Variants in DEFB1 observed in about 807,000 individuals in gnomAD.
DEFB1 encodes the protein defensin beta 1.
DEFB1 carries 4 observed loss-of-function variants against 2.6 expected under a neutral mutation model. The ratio of observed to expected loss-of-function variants is 1.53; its 90% CI spans 0.76 to 3.51. DEFB1 has a LOEUF of 3.51. Among genes scored for constraint, DEFB1 ranks in the 30% most tolerant of loss-of-function variants. DEFB1 has a pLI of 0.01. For missense variants in DEFB1, 162 were observed against 76.9 expected, an observed-to-expected ratio of 2.11 and a Z score of -4.14; for synonymous variants, 56 against 28.5, an observed-to-expected ratio of 1.96 and a Z score of -3.07.
chr8:6,872,949 G>C (rs1156667516), intron 1 of DEFB1, among the ~76,000 whole-genome samples: 1 of 152,192 alleles, frequency 6.6e-6, no homozygotes, highest in Non-Finnish European at 1.5e-5. Flanking sequence ...ACCTCTCCAA[G>C]TGATTATCTG....
chr8:6,875,564 C>G (rs542731565), intron 1 of DEFB1, among the ~76,000 whole-genome samples: 1 of 152,184 alleles, frequency 6.6e-6, no homozygotes, highest in Non-Finnish European at 1.5e-5. Context: ...CTCCAGTGAG[C>G]TATTGCTACA....
At chr8:6,873,552 C>A (rs560695905) in intron 1 of DEFB1, among the ~76,000 whole-genome samples, 1 of 152,282 alleles carries the variant, frequency 6.6e-6, no homozygotes, top group South Asian at 2.1e-4. Context: ...GTGTCCTTTG[C>A]AGCAACACAG....
At chr8:6,874,367 A>G (rs77646639) in intron 1 of DEFB1, among the ~76,000 whole-genome samples, 1 of 147,956 alleles carries the variant, frequency 6.8e-6, no homozygotes, top group East Asian at 2.0e-4. Context: ...TTTAAAAAAA[A>G]TTAATCTTCT....
At chr8:6,871,150 C>G (rs1806295204) in intron 1 of DEFB1, among the ~76,000 whole-genome samples, 1 of 152,216 alleles carries the variant, frequency 6.6e-6, no homozygotes, top group Non-Finnish European at 1.5e-5. Flanking sequence ...CTTGTCTCAA[C>G]ACACCCCAAA....
At chr8:6,874,156 C>G (rs991915919) in intron 1 of DEFB1, among the ~76,000 whole-genome samples, 1 of 148,696 alleles carries the variant, frequency 6.7e-6, no homozygotes, top group African/African-American at 2.5e-5. Flanking sequence ...CGCACACACA[C>G]GCACATGTGC....
At chr8:6,871,465 G>T (rs912191807) in intron 1 of DEFB1, among the ~76,000 whole-genome samples, 11 of 152,074 alleles carry the variant, frequency 7.2e-5, no homozygotes. Flanking sequence ...ATGCAACAGG[G>T]AACAGTCGCC....
chr8:6,875,110 C>CACACACACACA (rs1563397732), intron 1 of DEFB1, among the ~76,000 whole-genome samples: 5 of 143,234 alleles, frequency 3.5e-5, no homozygotes, highest in African/African-American at 1.3e-4. Flanking sequence ...ACACACACAC[C>CACACACACACA]CCATTGCCAG....
intron 1 of DEFB1, among the ~76,000 whole-genome samples, chr8:6,874,156 C>CAT (rs1391987044): frequency 2.7e-5 from 4 of 148,696 alleles, no homozygotes; most frequent in African/African-American, 9.9e-5. Flanking sequence ...CGCACACACA[C>CAT]GCACATGTGC....
rs1245229833 is a variant in DEFB1 at position 6,874,994 on chromosome 8, A to T, written c.61+2803T>A. On this transcript the variant is annotated intron_variant, in intron 1 of 1. Coordinates refer to ENST00000297439, the MANE Select transcript of DEFB1 (RefSeq NM_005218.4). Reference sequence around the variant, plus strand: ...GAGACTCAGTCTCAAAAAAAAAAAAAGTTGGTTCTGGACAATCAGATATTC... The same window carrying T: ...GAGACTCAGTCTCAAAAAAAAAAAATGTTGGTTCTGGACAATCAGATATTC... Among the ~76,000 whole-genome samples, 5 of 143,990 alleles carry T rather than the reference A, an allele frequency of 3.5e-5. No homozygotes were observed. In the East Asian group the frequency reaches 1.0e-3, roughly 29 times the overall value. The allele number at this position is 143,990 out of a possible 152,430, so 94.5% of individuals were successfully genotyped here.
At chr8:6,870,931 C>G (rs1806289634) in intron 1 of DEFB1, 105 bp from the exon 2 acceptor site, 9 of 1,272,880 alleles carry the variant, frequency 7.1e-6, no homozygotes, top group Non-Finnish European at 6.4e-6. Context: ...ACCGGAGAGT[C>G]TTCTCTTCCA....
chr8:6,873,898 C>A (rs1442066804), intron 1 of DEFB1, among the ~76,000 whole-genome samples: 1 of 152,192 alleles, frequency 6.6e-6, no homozygotes, highest in Non-Finnish European at 1.5e-5. Context: ...CCTGTTGGAG[C>A]AGTCTATGCT....
intron 1 of DEFB1, among the ~76,000 whole-genome samples, chr8:6,876,752 G>A (rs5743429): frequency 0.015 from 2,275 of 149,268 alleles, 66 homozygotes; most frequent in African/African-American, 0.052. Flanking sequence ...GCAGTGAGGC[G>A]AGATCACACC....
chr8:6,876,185 A>G (rs1806520697), intron 1 of DEFB1, among the ~76,000 whole-genome samples: 1 of 152,166 alleles, frequency 6.6e-6, no homozygotes, highest in Non-Finnish European at 1.5e-5. Context: ...TATTCCTTTA[A>G]AAAAACATGG....
chr8:6,870,757 C>G lies in DEFB1; in HGVS notation c.131G>C (p.Cys44Ser). The G allele has an allele frequency of 7.4e-6, 12 of 1,614,228 alleles. No homozygotes were observed. Among genetic ancestry groups the G allele is most frequent in the Non-Finnish European group, 1.0e-5 (12 of 1,180,046 alleles). ...AAAGATCGGGCAGGCAGAATAGAGA[C>G]ATTGCCCTCCACTGCTGACGCAATT... ...HYNCVSSGGQ[C>S]LYSACPIFTK... is the part of the protein sequence containing the mutation. The change falls in exon 2 of 2, where the codon TGT (cysteine) becomes TCT (serine). Residue 44 changes from cysteine (C) to serine (S), a missense_variant. Transcript: ENST00000297439.
At chr8:6,871,661 G>C (rs1490886456) in intron 1 of DEFB1, among the ~76,000 whole-genome samples, 1 of 152,140 alleles carries the variant, frequency 6.6e-6, no homozygotes, top group Non-Finnish European at 1.5e-5. Context: ...CACGGTCATT[G>C]GGGTGTGCTC....
At chr8:6,877,559 C>G (rs2117221364) in intron 1 of DEFB1, among the ~76,000 whole-genome samples, 1 of 152,354 alleles carries the variant, frequency 6.6e-6, no homozygotes. Context: ...ATGCAGGCAG[C>G]TGCCTGTGAC....
At chr8:6,875,055 A>G (rs564208071) in intron 1 of DEFB1, among the ~76,000 whole-genome samples, 1 of 135,110 alleles carries the variant, frequency 7.4e-6, no homozygotes, top group East Asian at 2.1e-4. Flanking sequence ...CCGTTACTTC[A>G]TACCGAAGCC....
chr8:6,877,198 G>A (rs1038372239), intron 1 of DEFB1, among the ~76,000 whole-genome samples: 1 of 152,236 alleles, frequency 6.6e-6, no homozygotes, highest in Non-Finnish European at 1.5e-5. Flanking sequence ...GGTCATGGCT[G>A]CTTTGGCCCA....
At chr8:6,875,930 G>A (rs1043532310) in intron 1 of DEFB1, among the ~76,000 whole-genome samples, 3 of 151,960 alleles carry the variant, frequency 2.0e-5, no homozygotes, top group African/African-American at 7.3e-5. Context: ...GGGGTAGGAG[G>A]GAGTTGTGAC....
Sources: allele counts gnomAD v4.1 joint callset (sites outside exome capture counted in the v4.1 genomes callset), GRCh38; gene constraint gnomAD v4.1.1; transcripts MANE v1.5; gene names NCBI Gene and HGNC (gene_info 2026-07-23, HGNC 2026-07-21).